The following PALM2AKAP2 variants were observed in gnomAD, a reference collection of about 807,000 sequenced individuals.
PALM2AKAP2 encodes the protein PALM2 and AKAP2 fusion.
A neutral mutation model predicts 71.5 loss-of-function variants in PALM2AKAP2; 37 were observed. That is an observed-to-expected ratio of 0.52 (90% confidence interval 0.40 to 0.68). The LOEUF (loss-of-function observed/expected upper bound fraction) is 0.68. Ranked by LOEUF, PALM2AKAP2 falls within the 30% of genes least tolerant of loss-of-function variation. The pLI, the probability that PALM2AKAP2 is intolerant of heterozygous loss-of-function variation, is 0.00. For missense variants in PALM2AKAP2, 1,224 were observed against 1,191.8 expected, an observed-to-expected ratio of 1.03 and a Z score of -0.40; for synonymous variants, 468 against 478.8, an observed-to-expected ratio of 0.98 and a Z score of 0.29.
intron 1 of PALM2AKAP2, among the ~76,000 whole-genome samples, chr9:109,691,499 G>A (rs571416562): frequency 3.9e-5 from 6 of 152,034 alleles, no homozygotes; most frequent in African/African-American, 1.4e-4. Flanking sequence ...AGGTAGGAAA[G>A]GGATGCTCCC....
exon 2 of PALM2AKAP2, chr9:110,136,662 C>A: frequency 3.7e-6 from 6 of 1,614,104 alleles, no homozygotes; most frequent in Non-Finnish European, 4.2e-6. Flanking sequence ...CCTAGAGATG[C>A]GCTGGGGGAC....
chr9:110,095,494 A>G (rs1834815318), intron 1 of PALM2AKAP2, among the ~76,000 whole-genome samples: 1 of 152,108 alleles, frequency 6.6e-6, no homozygotes, highest in Admixed American at 6.5e-5. Flanking sequence ...GAAAGGAGCC[A>G]GCTCCCCTTC....
At chr9:109,831,471 C>T (rs906901224) in intron 1 of PALM2AKAP2, among the ~76,000 whole-genome samples, 1 of 152,158 alleles carries the variant, frequency 6.6e-6, no homozygotes, top group Non-Finnish European at 1.5e-5. Context: ...TGTGTGGATA[C>T]CTATTCAGTG....
At chr9:109,725,705 G>T (rs527433231) in intron 1 of PALM2AKAP2, among the ~76,000 whole-genome samples, 2 of 152,232 alleles carry the variant, frequency 1.3e-5, no homozygotes, top group Admixed American at 1.3e-4. Context: ...TATCCGTGTT[G>T]CATTAAAGAG....
intron 1 of PALM2AKAP2, among the ~76,000 whole-genome samples, chr9:109,656,616 T>G (rs1003354250): frequency 6.6e-6 from 1 of 152,120 alleles, no homozygotes; most frequent in Non-Finnish European, 1.5e-5. Context: ...TTACACAATC[T>G]GATATGTAGT....
chr9:109,837,866 C>A (rs912000785), intron 1 of PALM2AKAP2, among the ~76,000 whole-genome samples: 3 of 152,178 alleles, frequency 2.0e-5, no homozygotes, highest in African/African-American at 7.2e-5. Flanking sequence ...CAGGAGCACC[C>A]AGATTCATAA....
intron 7 of PALM2AKAP2, among the ~76,000 whole-genome samples, chr9:110,018,906 C>T (rs1329753409): frequency 6.6e-6 from 1 of 151,966 alleles, no homozygotes; most frequent in Non-Finnish European, 1.5e-5. Flanking sequence ...TTTTCTGCTC[C>T]ACTTCGTTAA....
At chr9:109,809,970 G>T (rs1234711000) in intron 1 of PALM2AKAP2, among the ~76,000 whole-genome samples, 1 of 152,194 alleles carries the variant, frequency 6.6e-6, no homozygotes, top group Non-Finnish European at 1.5e-5. Context: ...GGAACTGTGA[G>T]TCAATTAAAC....
chr9:109,943,192 A>T (rs922253237), intron 6 of PALM2AKAP2: 4 of 1,614,222 alleles, frequency 2.5e-6, no homozygotes, highest in Non-Finnish European at 2.5e-6. Flanking sequence ...CTATGATGAA[A>T]CCATCAAGGC....
At chr9:110,153,589 T>G (rs886449375) in intron 2 of PALM2AKAP2, among the ~76,000 whole-genome samples, 7 of 152,244 alleles carry the variant, frequency 4.6e-5, no homozygotes, top group African/African-American at 1.7e-4. Context: ...TACTTGTGGT[T>G]GTTATATATA....
Position 109,916,929 on chromosome 9 carries a change from C to T in PALM2AKAP2, c.258-6806C>T, listed in dbSNP as rs73537465. Among the ~76,000 whole-genome samples the T allele has an allele frequency of 3.6e-3, 543 of 152,324 alleles. 3 individuals are homozygous for T. Among genetic ancestry groups the T allele is most frequent in the African/African-American group, 0.013 (522 of 41,576 alleles). Reference sequence around the variant, plus strand: ...AATAATGGACCCCCAGAGATGTCCACAGGCTAAGCCTCAGAACCTGTGAAT... The same window carrying T: ...AATAATGGACCCCCAGAGATGTCCATAGGCTAAGCCTCAGAACCTGTGAAT... On this transcript the variant is annotated intron_variant, in intron 3 of 9. Coordinates refer to the PALM2AKAP2 transcript ENST00000302798.
At chr9:109,723,419 C>G (rs2118639407) in intron 1 of PALM2AKAP2, among the ~76,000 whole-genome samples, 1 of 152,284 alleles carries the variant, frequency 6.6e-6, no homozygotes, top group South Asian at 2.1e-4. Context: ...ACCATGCTAC[C>G]ATGTTACCAG....
chr9:109,791,323 C>G (rs1440817020), intron 1 of PALM2AKAP2, among the ~76,000 whole-genome samples: 1 of 152,206 alleles, frequency 6.6e-6, no homozygotes, highest in Non-Finnish European at 1.5e-5. Context: ...GCTTAATCAC[C>G]TGCCTTTCTC....
chr9:110,023,909 C>A lies in PALM2AKAP2; in HGVS notation c.582+7870C>A, dbSNP rs1833124810. On this transcript the variant is annotated intron_variant, in intron 7 of 9. Transcript: ENST00000302798. Reference sequence around the variant, plus strand: ...TGGGAGGCAAGAGATGGGAAGATCGCTTGAGCCCAGGGAGATTGAGGCTGC... The same window carrying A: ...TGGGAGGCAAGAGATGGGAAGATCGATTGAGCCCAGGGAGATTGAGGCTGC... 3.9e-5 allele frequency among the ~76,000 whole-genome samples: 6 copies of A among 152,036 alleles called. No individual in the cohort carries two copies. In the South Asian group the frequency reaches 1.0e-3, roughly 26 times the overall value.
At chr9:110,156,631 A>C in intron 3 of PALM2AKAP2, 134 bp downstream of exon 9, 1 of 1,258,234 alleles carries the variant, frequency 7.9e-7, no homozygotes, top group Non-Finnish European at 1.0e-6. Context: ...GTTTTCATAT[A>C]TGTGGTTTCA....
At chr9:109,762,129 C>G (rs188247155) in intron 1 of PALM2AKAP2, among the ~76,000 whole-genome samples, 2 of 149,700 alleles carry the variant, frequency 1.3e-5, no homozygotes, top group South Asian at 4.2e-4. Context: ...GACAGTGTGG[C>G]GATTCCTCAA....
chr9:110,054,121 T>C lies in PALM2AKAP2; in HGVS notation c.156+5266T>C, dbSNP rs112330474. Among the ~76,000 whole-genome samples the C allele has an allele frequency of 6.4e-3, 981 of 152,318 alleles. 12 individuals are homozygous for C. Among genetic ancestry groups the C allele is most frequent in the South Asian group, 0.047 (225 of 4,828 alleles). ...ATCTATAAAAATGGAGATACCAGGC[T>C]GGGCATGGTGGCTCACGCCTATAAT... On this transcript the variant is annotated intron_variant, in intron 1 of 3. Coordinates refer to ENST00000374525, the Ensembl canonical transcript of PALM2AKAP2.
intron 1 of PALM2AKAP2, among the ~76,000 whole-genome samples, chr9:110,117,601 T>C (rs1329653523): frequency 6.6e-6 from 1 of 152,162 alleles, no homozygotes; most frequent in African/African-American, 2.4e-5. Flanking sequence ...AGAGATTTGG[T>C]TCTTACATTT....
Position 109,863,794 on chromosome 9 carries a change from T to C in PALM2AKAP2, c.46-3697T>C, listed in dbSNP as rs148414363. ...CTAGAAGTGACTTTAAGACCATCAC[T>C]ATGGGCTGGGTTCGGAGGCTAACAC... On this transcript the variant is annotated intron_variant, in intron 1 of 9. Transcript: ENST00000302798. Among the ~76,000 whole-genome samples the C allele has an allele frequency of 6.0e-3, 921 of 152,236 alleles. 9 individuals carry two copies. Among genetic ancestry groups the C allele is most frequent in the African/African-American group, 0.021 (859 of 41,530 alleles).
Sources: allele counts gnomAD v4.1 joint callset (sites outside exome capture counted in the v4.1 genomes callset), GRCh38; gene constraint gnomAD v4.1.1; transcripts MANE v1.5; gene names NCBI Gene and HGNC (gene_info 2026-07-23, HGNC 2026-07-21).